HDAC9: variants seen among roughly 807,000 people sequenced by gnomAD.
HDAC9 encodes the protein histone deacetylase 9.
A neutral mutation model predicts 139.4 loss-of-function variants in HDAC9; 41 were observed. The ratio of observed to expected loss-of-function variants is 0.29; its 90% CI spans 0.23 to 0.38. The LOEUF is 0.38. Ranked by LOEUF, HDAC9 falls within the 10% of genes least tolerant of loss-of-function variation. The pLI, the probability that HDAC9 is intolerant of heterozygous loss-of-function variation, is 1.00. For missense variants in HDAC9, 1,147 were observed against 1,297.0 expected (o/e 0.88, Z 1.78); for synonymous variants, 517 against 476.2 (o/e 1.09, Z -1.12).
chr7:18,195,834 T>C (rs1481327159), intron 2 of HDAC9, among the ~76,000 whole-genome samples: 3 of 152,188 alleles, frequency 2.0e-5, no homozygotes, highest in Non-Finnish European at 4.4e-5. Flanking sequence ...TGTTTCATCA[T>C]AACGTGAACA....
At chr7:18,229,806 C>T (rs999307887) in intron 2 of HDAC9, among the ~76,000 whole-genome samples, 2 of 152,088 alleles carry the variant, frequency 1.3e-5, no homozygotes, top group East Asian at 1.9e-4. Context: ...TCATGGAAAG[C>T]ATGATTCAAA....
intron 24 of HDAC9, 140 bp downstream of exon 24, chr7:18,954,370 T>A: frequency 1.5e-6 from 1 of 654,516 alleles, no homozygotes; most frequent in South Asian, 2.1e-5. Flanking sequence ...CTTAATGTGT[T>A]GCTCTTAATG....
intron 21 of HDAC9, among the ~76,000 whole-genome samples, chr7:18,839,259 T>G (rs1796434057): frequency 6.6e-6 from 1 of 152,044 alleles, no homozygotes; most frequent in African/African-American, 2.4e-5. Context: ...TGGCTAATTC[T>G]TAAGTGCTTT....
chr7:18,537,977 T>A (rs916552778), intron 2 of HDAC9, among the ~76,000 whole-genome samples: 9 of 152,214 alleles, frequency 5.9e-5, no homozygotes, highest in African/African-American at 2.2e-4. Context: ...GTGCCCAACG[T>A]GACCTCTGCT....
intron 2 of HDAC9, among the ~76,000 whole-genome samples, chr7:18,258,159 A>G (rs561229937): frequency 4.3e-4 from 66 of 152,346 alleles, no homozygotes; most frequent in African/African-American, 1.5e-3. Flanking sequence ...TGAAAAGGAA[A>G]TGAAATAAAT....
chr7:18,943,215 C>T (rs1782141403), intron 23 of HDAC9, among the ~76,000 whole-genome samples: 1 of 152,032 alleles, frequency 6.6e-6, no homozygotes, highest in South Asian at 2.1e-4. Flanking sequence ...ACGAACTTCC[C>T]TTCAATGTTG....
intron 1 of HDAC9, among the ~76,000 whole-genome samples, chr7:18,337,749 GGCATGT>G (rs879602309): frequency 2.6e-5 from 4 of 151,592 alleles, no homozygotes; most frequent in Admixed American, 2.6e-4. Flanking sequence ...GAAATGATTG[GGCATGT>G]GCCACTACAT....
intron 2 of HDAC9, among the ~76,000 whole-genome samples, chr7:18,274,680 C>A (rs1056973546): frequency 2.0e-5 from 3 of 152,050 alleles, no homozygotes; most frequent in Non-Finnish European, 4.4e-5. Flanking sequence ...AATATTATGT[C>A]GGTCTGAGAA....
chr7:18,177,802 A>G (rs1023252844), intron 2 of HDAC9, among the ~76,000 whole-genome samples: 31 of 152,184 alleles, frequency 2.0e-4, no homozygotes, highest in African/African-American at 7.5e-4. Flanking sequence ...GTTAAGTAAT[A>G]TACTGCCCAG....
At chr7:18,741,929 A>G (rs763956776) in intron 13 of HDAC9, among the ~76,000 whole-genome samples, 2 of 152,210 alleles carry the variant, frequency 1.3e-5, no homozygotes, top group Non-Finnish European at 2.9e-5. Context: ...TGGAACCTCA[A>G]TATATCACTG....
At chr7:18,553,557 A>G (rs73062316) in intron 2 of HDAC9, among the ~76,000 whole-genome samples, 3,177 of 152,288 alleles carry the variant, frequency 0.021, 51 homozygotes, top group Non-Finnish European at 0.031. Flanking sequence ...TTTTCATAAC[A>G]TATTAGGTGT....
intron 17 of HDAC9, among the ~76,000 whole-genome samples, chr7:18,815,119 T>G (rs1044497189): frequency 6.6e-6 from 1 of 152,152 alleles, no homozygotes; most frequent in African/African-American, 2.4e-5. Context: ...ACTCTTATTG[T>G]GTGTTATGAT....
At chr7:18,624,576 C>T (rs1451040636) in intron 6 of HDAC9, among the ~76,000 whole-genome samples, 1 of 151,994 alleles carries the variant, frequency 6.6e-6, no homozygotes, top group Non-Finnish European at 1.5e-5. Flanking sequence ...CATTCATATA[C>T]AAGCAGAACC....
At chr7:18,722,542 T>G (rs1220466730) in intron 12 of HDAC9, among the ~76,000 whole-genome samples, 1 of 152,160 alleles carries the variant, frequency 6.6e-6, no homozygotes, top group African/African-American at 2.4e-5. Flanking sequence ...AAAACTGGCT[T>G]AGTGAAACAC....
At chr7:18,815,774 C>T (rs1380529766) in intron 17 of HDAC9, among the ~76,000 whole-genome samples, 2 of 152,232 alleles carry the variant, frequency 1.3e-5, no homozygotes, top group Non-Finnish European at 2.9e-5. Context: ...CTCTTGTTTT[C>T]CTGGCTCCCT....
Position 18,380,510 on chromosome 7 carries a change from A to T in HDAC9, c.-42+89995A>T, listed in dbSNP as rs189304639. On this transcript the variant is annotated intron_variant, in intron 1 of 3. Transcript: ENST00000413509. Reference sequence around the variant, plus strand: ...TAAAATTTTTCAAGGGTATTTGGTGAAACAGAAGAGAGTCATCTGTATAGA... The same window carrying T: ...TAAAATTTTTCAAGGGTATTTGGTGTAACAGAAGAGAGTCATCTGTATAGA... Among the ~76,000 whole-genome samples the T allele has an allele frequency of 3.3e-5, 5 of 152,348 alleles. No homozygotes were observed. In the East Asian group the frequency reaches 9.6e-4, roughly 29 times the overall value.
intron 2 of HDAC9, among the ~76,000 whole-genome samples, chr7:18,248,365 T>C (rs1483973673): frequency 2.0e-5 from 3 of 152,190 alleles, no homozygotes; most frequent in Non-Finnish European, 4.4e-5. Flanking sequence ...TGCACATAAA[T>C]AGATCCTGTT....
At position 18,962,238 on chromosome 7, in the gene HDAC9, G is replaced by T. The variant is rs567109777; in HGVS notation, c.3022+8008G>T. Among the ~76,000 whole-genome samples the T allele has an allele frequency of 3.9e-5, 6 of 152,258 alleles. No homozygotes were observed. The South Asian group carries it at 1.2e-3, about 32-fold the overall frequency. On this transcript the variant is annotated intron_variant, in intron 24 of 25. Coordinates refer to ENST00000686413, the MANE Select transcript of HDAC9 (RefSeq NM_178425.4). ...CATATATTCTTTGGCTTTAGACAGA[G>T]GCCTTGACGTTAGAGTCCTGGGCCA...
intron 1 of HDAC9, among the ~76,000 whole-genome samples, chr7:18,387,687 A>C (rs1053312929): frequency 1.4e-4 from 22 of 152,244 alleles, no homozygotes; most frequent in Non-Finnish European, 1.3e-4. Flanking sequence ...ATGTACTTTT[A>C]AAAACCTTTT....
Sources: allele counts gnomAD v4.1 joint callset (sites outside exome capture counted in the v4.1 genomes callset), GRCh38; gene constraint gnomAD v4.1.1; transcripts MANE v1.5; gene names NCBI Gene and HGNC (gene_info 2026-07-23, HGNC 2026-07-21).